RCL1: variants seen among roughly 807,000 people sequenced by gnomAD.
RCL1 encodes RNA terminal phosphate cyclase like 1.
A neutral mutation model predicts 42.4 loss-of-function variants in RCL1; 24 were observed. That is an observed-to-expected ratio of 0.57 (90% confidence interval 0.41 to 0.80). The LOEUF is 0.80. RCL1 is among the 30% of genes least tolerant of loss of function. RCL1 has a pLI of 0.00. For missense variants in RCL1, 578 were observed against 467.9 expected (o/e 1.24, Z -2.17); for synonymous variants, 228 against 177.3 (o/e 1.29, Z -2.27).
At chr9:4,851,885 C>CTTTTTT (rs1214271046) in intron 8 of RCL1, among the ~76,000 whole-genome samples, 40,990 of 123,918 alleles carry the variant, frequency 0.33, 8,381 homozygotes, top group South Asian at 0.47. Context: ...GTGTGAAACT[C>CTTTTTT]TTTTTTTTTT....
intron 5 of RCL1, chr9:4,839,988 A>C: frequency 1.3e-6 from 1 of 744,242 alleles, no homozygotes; most frequent in Non-Finnish European, 1.6e-6. Flanking sequence ...GATGGGTGGA[A>C]GGAGTTGATG....
rs953102696 is a variant in RCL1, at chr9:4,839,038, A to G, written c.585-2194A>G. ...GAAATGACAGCACAGAGAAGTTACCACAATTAACCTGGAGTGATGCAGCTT... is the reference window on the plus strand; with the variant it reads ...GAAATGACAGCACAGAGAAGTTACCGCAATTAACCTGGAGTGATGCAGCTT... On this transcript the variant is annotated intron_variant, in intron 5 of 8. Coordinates refer to ENST00000381750, the MANE Select transcript of RCL1 (RefSeq NM_005772.5). Among the ~76,000 whole-genome samples the G allele has an allele frequency of 5.9e-5, 9 of 152,334 alleles. No homozygotes were observed. In the South Asian group the frequency reaches 1.0e-3, roughly 18 times the overall value.
intron 1 of RCL1, among the ~76,000 whole-genome samples, chr9:4,800,574 A>T (rs999254508): frequency 6.6e-6 from 1 of 150,606 alleles, no homozygotes; most frequent in African/African-American, 2.4e-5. Context: ...AATGCCCAGG[A>T]GTGCTCTTGC....
At chr9:4,853,443 TC>T (rs901989427) in intron 8 of RCL1, among the ~76,000 whole-genome samples, 1 of 151,748 alleles carries the variant, frequency 6.6e-6, no homozygotes, top group Non-Finnish European at 1.5e-5. Context: ...TGCCTCAGCC[TC>T]CTGAGTAGCT....
chr9:4,817,985 A>G (rs1378044016), intron 1 of RCL1, among the ~76,000 whole-genome samples: 1 of 135,154 alleles, frequency 7.4e-6, no homozygotes, highest in Non-Finnish European at 1.5e-5. Flanking sequence ...TAGTGGTGCA[A>G]TCTCGTCTCA....
intron 1 of RCL1, among the ~76,000 whole-genome samples, chr9:4,820,353 T>G (rs938977279): frequency 4.6e-5 from 7 of 152,116 alleles, no homozygotes; most frequent in Non-Finnish European, 1.0e-4. Flanking sequence ...GGTGATGGAG[T>G]CATATCTTCA....
intron 2 of RCL1, among the ~76,000 whole-genome samples, chr9:4,824,746 G>T (rs990383658): frequency 2.6e-5 from 4 of 152,142 alleles, no homozygotes; most frequent in African/African-American, 9.7e-5. Flanking sequence ...CTGATCTATA[G>T]CTGCATTCAG....
intron 7 of RCL1, among the ~76,000 whole-genome samples, chr9:4,848,415 A>C (rs1817592882): frequency 6.6e-6 from 1 of 152,202 alleles, no homozygotes; most frequent in African/African-American, 2.4e-5. Context: ...TGTATCTGAA[A>C]ATGGATTTAT....
chr9:4,805,802 C>A (rs911346523), intron 1 of RCL1, among the ~76,000 whole-genome samples: 1 of 152,140 alleles, frequency 6.6e-6, no homozygotes, highest in African/African-American at 2.4e-5. Context: ...CTTTGTTCCC[C>A]AGAGGCCAGC....
At chr9:4,834,042 T>A in intron 4 of RCL1, 99 bp from the exon 5 acceptor site, 1 of 1,340,850 alleles carries the variant, frequency 7.5e-7, no homozygotes. Context: ...CTATGCCTTG[T>A]AAGGAAGCAT....
intron 5 of RCL1, among the ~76,000 whole-genome samples, chr9:4,840,354 A>G (rs377208552): frequency 8.0e-4 from 122 of 152,280 alleles, no homozygotes; most frequent in Admixed American, 2.6e-3. Flanking sequence ...TTTAGTTCCA[A>G]ATATATAGCC....
intron 1 of RCL1, among the ~76,000 whole-genome samples, chr9:4,819,912 AT>A (rs1262818469): frequency 6.6e-6 from 1 of 152,258 alleles, no homozygotes; most frequent in Non-Finnish European, 1.5e-5. Context: ...AAATAAAAAA[AT>A]GCATAAGATA....
intron 1 of RCL1, among the ~76,000 whole-genome samples, chr9:4,817,791 C>T (rs1816437964): frequency 6.6e-6 from 1 of 151,958 alleles, no homozygotes; most frequent in South Asian, 2.1e-4. Context: ...GCCACCACAC[C>T]CAGCTTTATT....
chr9:4,817,065 C>T (rs1477184348), intron 1 of RCL1, among the ~76,000 whole-genome samples: 1 of 152,204 alleles, frequency 6.6e-6, no homozygotes, highest in Non-Finnish European at 1.5e-5. Context: ...AATCCGCCTG[C>T]CTCGGCCTCC....
chr9:4,844,501 G>T (rs370809354), intron 6 of RCL1, 24 bp from the exon 7 acceptor site: 2 of 1,590,978 alleles, frequency 1.3e-6, no homozygotes, highest in Non-Finnish European at 1.7e-6. Context: ...AACCTACTCA[G>T]TGTTTGTGCC....
intron 1 of RCL1, among the ~76,000 whole-genome samples, chr9:4,822,719 G>T (rs1816634944): frequency 6.6e-6 from 1 of 152,116 alleles, no homozygotes; most frequent in Admixed American, 6.5e-5. Context: ...TACTTGGGAG[G>T]CTGAGGCAGG....
intron 8 of RCL1, 126 bp downstream of exon 8, chr9:4,849,676 C>G (rs1436498386): frequency 3.0e-6 from 2 of 673,686 alleles, no homozygotes; most frequent in African/African-American, 3.6e-5. Flanking sequence ...ATCCTCAAAT[C>G]AGCCAGCAGT....
intron 3 of RCL1, among the ~76,000 whole-genome samples, chr9:4,832,791 A>C (rs1338820044): frequency 1.6e-5 from 2 of 126,922 alleles, no homozygotes; most frequent in African/African-American, 5.9e-5. Flanking sequence ...CTGGTGACAG[A>C]GCGAGATTCC....
chr9:4,819,889 A>G (rs180887008), intron 1 of RCL1, among the ~76,000 whole-genome samples: 15 of 152,328 alleles, frequency 9.8e-5, no homozygotes, highest in Non-Finnish European at 1.6e-4. Flanking sequence ...ACTTGTGCCC[A>G]CCAAATTTGT....
Sources: gnomAD v4.1 joint callset for allele counts (sites outside exome capture counted in the v4.1 genomes callset) on GRCh38, gnomAD v4.1.1 for gene constraint, MANE v1.5 for transcripts, NCBI Gene and HGNC (gene_info 2026-07-23, HGNC 2026-07-21) for gene names.